Variants in DTNA observed in about 807,000 individuals in gnomAD.
DTNA encodes dystrophin-related protein 3.
Under a neutral mutation model 100.7 loss-of-function variants are expected in DTNA, and 43 were observed. The ratio of observed to expected loss-of-function variants is 0.43; its 90% CI spans 0.33 to 0.55. The LOEUF (loss-of-function observed/expected upper bound fraction) is 0.55, where lower values mean the gene tolerates loss of function less well. Ranked by LOEUF, DTNA falls within the 20% of genes least tolerant of loss-of-function variation. The probability of loss-of-function intolerance (pLI) is 0.04; values close to 1 mark genes in which losing one functional copy is unlikely to be tolerated. For missense variants in DTNA, 798 were observed against 953.9 expected (o/e 0.84, Z 2.15); for synonymous variants, 349 against 347.9 (o/e 1.00, Z -0.04).
In DTNA at chr18:34,759,456, T is replaced by C. The variant is rs1164982705; in HGVS notation, c.67+3413T>C. ...TACCTTCAAATCCATTCCCCTTAGA[T>C]GCTGAATCAAGCCTTGTTTAAAAGC... On this transcript the variant is annotated intron_variant, in intron 2 of 22. Transcript: ENST00000444659. 3.3e-5 allele frequency among the ~76,000 whole-genome samples: 5 copies of C among 152,146 alleles called. No homozygotes were observed. In the East Asian group the frequency reaches 9.7e-4, roughly 29 times the overall value.
chr18:34,877,834 G>T lies in DTNA; in HGVS notation c.1993+26G>T, dbSNP rs754160482. 3 of 1,597,328 alleles carry T rather than the reference G, an allele frequency of 1.9e-6. No homozygotes were observed. The South Asian group carries it at 3.3e-5, about 18-fold the overall frequency. Reference sequence around the variant, plus strand: ...GTGAGTTCCTGATTCCCTCTCATTTGTCTGCTCATCATGGAGGGATCCATA... The same window carrying T: ...GTGAGTTCCTGATTCCCTCTCATTTTTCTGCTCATCATGGAGGGATCCATA... On this transcript the variant is annotated intron_variant, in intron 19 of 22. Coordinates refer to ENST00000444659, the MANE Select transcript of DTNA (RefSeq NM_001386795.1).
At chr18:34,747,047 T>C (rs1168143026) in intron 1 of DTNA, among the ~76,000 whole-genome samples, 1 of 152,004 alleles carries the variant, frequency 6.6e-6, no homozygotes, top group Non-Finnish European at 1.5e-5. Context: ...AAATGGCATT[T>C]TTCTGTTTCT....
At chr18:34,884,805 A>G (rs2096906829) in intron 22 of DTNA, 29 bp downstream of exon 22, 3 of 1,609,908 alleles carry the variant, frequency 1.9e-6, no homozygotes, top group East Asian at 2.2e-5. Flanking sequence ...AGGAGGAATC[A>G]TGGCCACTGT....
chr18:34,698,628 C>G (rs979885471), intron 1 of DTNA, among the ~76,000 whole-genome samples: 2 of 152,252 alleles, frequency 1.3e-5, no homozygotes, highest in East Asian at 3.9e-4. Context: ...TTGACTCACA[C>G]GATCACAAGG....
At chr18:34,754,917 A>G (rs2092665677) in intron 1 of DTNA, among the ~76,000 whole-genome samples, 1 of 152,188 alleles carries the variant, frequency 6.6e-6, no homozygotes, top group Non-Finnish European at 1.5e-5. Context: ...GGTGACAGCA[A>G]GTTAGCTTGG....
At chr18:34,821,079 G>A (rs770938265) in intron 9 of DTNA, 164 bp downstream of exon 9, 4 of 999,910 alleles carry the variant, frequency 4.0e-6, no homozygotes, top group South Asian at 1.4e-5. Flanking sequence ...TTGTTGTTGA[G>A]GTGTACAGTA....
intron 1 of DTNA, among the ~76,000 whole-genome samples, chr18:34,639,202 T>C (rs1310661243): frequency 3.3e-5 from 5 of 152,214 alleles, no homozygotes; most frequent in Admixed American, 6.5e-5. Context: ...CCTCTTCACA[T>C]TGACATTTCA....
chr18:34,728,426 C>A (rs1904802), intron 1 of DTNA, among the ~76,000 whole-genome samples: 17,872 of 152,002 alleles, frequency 0.12, 1,553 homozygotes, highest in African/African-American at 0.24. Context: ...AATAATTTTT[C>A]ATGCAGAAAT....
chr18:34,819,652 A>G (rs2095664996), intron 8 of DTNA, among the ~76,000 whole-genome samples: 1 of 152,122 alleles, frequency 6.6e-6, no homozygotes, highest in African/African-American at 2.4e-5. Context: ...TAGACCTAAC[A>G]TTATATTCCA....
chr18:34,529,916 T>G (rs900610906), intron 1 of DTNA, among the ~76,000 whole-genome samples: 4 of 152,132 alleles, frequency 2.6e-5, no homozygotes, highest in African/African-American at 9.7e-5. Flanking sequence ...AACCAAAGTT[T>G]TAGTAGTTAA....
At chr18:34,832,383 A>C (rs1331716649) in intron 11 of DTNA, among the ~76,000 whole-genome samples, 1 of 152,174 alleles carries the variant, frequency 6.6e-6, no homozygotes, top group Non-Finnish European at 1.5e-5. Context: ...ACACCAGTCT[A>C]CACATCAACC....
intron 4 of DTNA, among the ~76,000 whole-genome samples, chr18:34,796,800 G>T (rs1262119922): frequency 6.6e-6 from 1 of 152,156 alleles, no homozygotes. Context: ...AAATTCACTA[G>T]ACTCCCAGGT....
intron 1 of DTNA, among the ~76,000 whole-genome samples, chr18:34,713,643 A>G (rs551696815): frequency 1.3e-5 from 2 of 151,814 alleles, no homozygotes; most frequent in South Asian, 2.1e-4. Flanking sequence ...TATGAACTTT[A>G]AAGTAGTTTT....
chr18:34,810,034 A>G (rs1040397613), intron 5 of DTNA, among the ~76,000 whole-genome samples: 3 of 152,124 alleles, frequency 2.0e-5, no homozygotes, highest in African/African-American at 7.2e-5. Context: ...AGCTGTTTTA[A>G]TGGGTTGGAA....
At chr18:34,672,495 A>G (rs2076890408) in intron 1 of DTNA, among the ~76,000 whole-genome samples, 1 of 152,182 alleles carries the variant, frequency 6.6e-6, no homozygotes, top group African/African-American at 2.4e-5. Context: ...ATAAACCTTA[A>G]TATAAAAATA....
chr18:34,505,579 G>T (rs1341509811), intron 1 of DTNA, among the ~76,000 whole-genome samples: 17 of 151,770 alleles, frequency 1.1e-4, no homozygotes. Flanking sequence ...TTTCTATCTT[G>T]TAGCTCCCAT....
chr18:34,882,323 C>A (rs769121204), intron 21 of DTNA, 122 bp downstream of exon 21: 2 of 1,292,980 alleles, frequency 1.5e-6, no homozygotes, highest in African/African-American at 1.5e-5. Context: ...TCAAAATACA[C>A]TGATTTCACT....
intron 1 of DTNA, among the ~76,000 whole-genome samples, chr18:34,508,476 A>G (rs2144814712): frequency 6.6e-6 from 1 of 152,272 alleles, no homozygotes; most frequent in Non-Finnish European, 1.5e-5. Context: ...GAAAAGCTGC[A>G]TTTCTATATA....
At chr18:34,580,560 G>A (rs903975693) in intron 1 of DTNA, among the ~76,000 whole-genome samples, 5 of 152,114 alleles carry the variant, frequency 3.3e-5, no homozygotes, top group African/African-American at 4.8e-5. Context: ...TTTGTCCTTG[G>A]CTTTAGATGT....
Sources: gnomAD v4.1 joint callset for allele counts (sites outside exome capture counted in the v4.1 genomes callset) on GRCh38, gnomAD v4.1.1 for gene constraint, MANE v1.5 for transcripts, NCBI Gene and HGNC (gene_info 2026-07-23, HGNC 2026-07-21) for gene names.